Variants in HDAC9 observed in about 807,000 individuals in gnomAD.
HDAC9 encodes histone deacetylase 9, also known as MEF-2 interacting transcription repressor (MITR) protein.
In HDAC9, 41 loss-of-function variants were observed where a neutral mutation model predicts 139.4. The observed-to-expected ratio is 0.29, with a 90% CI of 0.23 to 0.38. HDAC9 has a LOEUF of 0.38. HDAC9 is among the 10% of genes least tolerant of loss of function. The pLI, the probability that HDAC9 is intolerant of heterozygous loss-of-function variation, is 1.00. For synonymous variants in HDAC9, 517 were observed against 476.2 expected (o/e 1.09, Z -1.12); for missense variants, 1,147 against 1,297.0 (o/e 0.88, Z 1.78).
intron 25 of HDAC9, among the ~76,000 whole-genome samples, chr7:18,981,450 A>T (rs2717350): frequency 6.6e-6 from 1 of 152,014 alleles, no homozygotes; most frequent in African/African-American, 2.4e-5. Flanking sequence ...AAAGTTTGTC[A>T]GTCAGAAATC....
rs563531521 is a variant in HDAC9, at chr7:18,137,630, C to A, written c.-96-24599C>A. ...ATTTATTGATTTGCGTATATTGAAC[C>A]AGCCTTGCATCCCAGGGATGAAGCC... On this transcript the variant is annotated intron_variant, in intron 1 of 12. Transcript: ENST00000417496. 5.5e-3 allele frequency among the ~76,000 whole-genome samples: 825 copies of A among 150,298 alleles called. 6 individuals carry two copies. Among genetic ancestry groups the A allele is most frequent in the Non-Finnish European group, 5.2e-3 (352 of 67,070 alleles).
intron 25 of HDAC9, among the ~76,000 whole-genome samples, chr7:18,989,841 C>T (rs917369569): frequency 2.8e-5 from 4 of 144,098 alleles, no homozygotes; most frequent in African/African-American, 5.2e-5. Flanking sequence ...TCCAGTTGAT[C>T]GCATCGGCTC....
rs992708997 is a variant in HDAC9, at chr7:18,433,726, T to G, written c.-41-62536T>G. On this transcript the variant is annotated intron_variant, in intron 1 of 3. Transcript: ENST00000413509. ...TACAACTAACCAGGGAGGTGGAAGATCTCTACAATGAGAATTGTCAAACAC... is the reference window on the plus strand; with the variant it reads ...TACAACTAACCAGGGAGGTGGAAGAGCTCTACAATGAGAATTGTCAAACAC... Among the ~76,000 whole-genome samples the G allele has an allele frequency of 2.6e-5, 4 of 152,168 alleles. No individual in the cohort carries two copies. The South Asian group carries it at 8.3e-4, about 32-fold the overall frequency.
chr7:18,315,659 A>G (rs1237958359), intron 1 of HDAC9, among the ~76,000 whole-genome samples: 1 of 152,234 alleles, frequency 6.6e-6, no homozygotes, highest in Admixed American at 6.5e-5. Flanking sequence ...AAGTGATTAA[A>G]TTCATCCCCC....
chr7:18,869,608 C>G (rs1407138350), intron 21 of HDAC9, among the ~76,000 whole-genome samples: 4 of 149,378 alleles, frequency 2.7e-5, no homozygotes, highest in African/African-American at 9.8e-5. Context: ...GAGTCCTCAA[C>G]TTGTGGGATC....
intron 1 of HDAC9, among the ~76,000 whole-genome samples, chr7:18,472,608 G>A (rs1013589097): frequency 6.6e-6 from 1 of 152,090 alleles, no homozygotes; most frequent in Admixed American, 6.6e-5. Context: ...TGCGTGAAGC[G>A]GGCCTTCCTT....
chr7:18,149,772 T>G (rs1786630010), intron 1 of HDAC9, among the ~76,000 whole-genome samples: 1 of 152,098 alleles, frequency 6.6e-6, no homozygotes, highest in Non-Finnish European at 1.5e-5. Context: ...GCCAGGATGG[T>G]CTCGATCTCC....
chr7:18,134,849 T>A (rs1384093142), intron 1 of HDAC9, among the ~76,000 whole-genome samples: 1 of 152,170 alleles, frequency 6.6e-6, no homozygotes, highest in African/African-American at 2.4e-5. Flanking sequence ...TATGCAAAAT[T>A]GTTTTCAAAG....
intron 12 of HDAC9, among the ~76,000 whole-genome samples, chr7:18,703,512 G>T (rs1033358126): frequency 6.6e-6 from 1 of 152,120 alleles, no homozygotes. Context: ...GAGTAAATCT[G>T]GTTTGCACTT....
intron 2 of HDAC9, among the ~76,000 whole-genome samples, chr7:18,521,867 G>A (rs1805164060): frequency 6.6e-6 from 1 of 152,206 alleles, no homozygotes; most frequent in African/African-American, 2.4e-5. Context: ...GACCTTTACA[G>A]CATTTTAGAG....
chr7:18,214,623 A>G (rs1291776168), intron 2 of HDAC9, among the ~76,000 whole-genome samples: 3 of 152,132 alleles, frequency 2.0e-5, no homozygotes, highest in African/African-American at 4.8e-5. Context: ...CACTTGTGTG[A>G]TATGAAACAG....
chr7:18,768,084 T>C (rs1182818883), intron 16 of HDAC9, among the ~76,000 whole-genome samples: 3 of 152,210 alleles, frequency 2.0e-5, no homozygotes, highest in Non-Finnish European at 4.4e-5. Context: ...TTCTGCTTAC[T>C]CTGGAAAACA....
chr7:18,631,491 T>C (rs936485757), intron 7 of HDAC9, among the ~76,000 whole-genome samples: 3 of 152,042 alleles, frequency 2.0e-5, no homozygotes, highest in Non-Finnish European at 4.4e-5. Flanking sequence ...ATCTTAATAC[T>C]AAATATTTTT....
intron 22 of HDAC9, among the ~76,000 whole-genome samples, chr7:18,878,875 G>A (rs931772086): frequency 1.3e-5 from 2 of 152,130 alleles, no homozygotes; most frequent in African/African-American, 4.8e-5. Flanking sequence ...CAAACTCCCT[G>A]TTTGCAGACA....
chr7:18,728,002 C>A (rs1740084360), intron 13 of HDAC9, among the ~76,000 whole-genome samples: 1 of 152,178 alleles, frequency 6.6e-6, no homozygotes, highest in South Asian at 2.1e-4. Context: ...TCAACAGGTG[C>A]ATGAGTTTTT....
rs752107216 is a variant in HDAC9, at chr7:18,644,733, T to C, written c.975T>C (p.Tyr325=). Residue 325 remains tyrosine (Y), a synonymous_variant, in exon 9 of 26, where the codon TAT becomes TAC. Coordinates refer to ENST00000686413, the MANE Select transcript of HDAC9 (RefSeq NM_178425.4). ...HEDSMNLLSL[Y]TSPSLPNITL... ...ATTCCATGAACCTGCTAAGTCTTTATACCTCTCCTTCTTTGCCCAACATTA... is the reference window on the plus strand; with the variant it reads ...ATTCCATGAACCTGCTAAGTCTTTACACCTCTCCTTCTTTGCCCAACATTA... The C allele has an allele frequency of 2.5e-5, 40 of 1,612,484 alleles. No individual in the cohort carries two copies. In the South Asian group the frequency reaches 4.1e-4, roughly 16 times the overall value.
At chr7:18,224,426 A>T (rs1481668950) in intron 2 of HDAC9, among the ~76,000 whole-genome samples, 2 of 152,204 alleles carry the variant, frequency 1.3e-5, no homozygotes, top group East Asian at 3.8e-4. Context: ...GGGGCCCAGA[A>T]TTCTTCAAAA....
At chr7:18,179,540 T>C (rs1245800117) in intron 2 of HDAC9, among the ~76,000 whole-genome samples, 1 of 152,232 alleles carries the variant, frequency 6.6e-6, no homozygotes, top group Admixed American at 6.5e-5. Flanking sequence ...CTTCTACCTC[T>C]CTTATATTTC....
intron 1 of HDAC9, among the ~76,000 whole-genome samples, chr7:18,111,372 G>A (rs747151369): frequency 6.6e-6 from 1 of 152,152 alleles, no homozygotes; most frequent in Non-Finnish European, 1.5e-5. Flanking sequence ...CAGAAAAGGA[G>A]GCCTAGGTTA....
Sources: gnomAD v4.1 joint callset for allele counts (sites outside exome capture counted in the v4.1 genomes callset) on GRCh38, gnomAD v4.1.1 for gene constraint, MANE v1.5 for transcripts, NCBI Gene and HGNC (gene_info 2026-07-23, HGNC 2026-07-21) for gene names.